MAN1C1: variants seen among roughly 807,000 people sequenced by gnomAD.
The protein encoded by MAN1C1 is mannosidase alpha class 1C member 1.
MAN1C1 carries 49 observed loss-of-function variants against 71.5 expected under a neutral mutation model. The observed-to-expected ratio is 0.69, with a 90% CI of 0.54 to 0.87. The LOEUF (loss-of-function observed/expected upper bound fraction) is 0.87, where lower values mean the gene tolerates loss of function less well. Ranked by LOEUF, MAN1C1 falls within the 40% of genes least tolerant of loss-of-function variation. MAN1C1 has a pLI of 0.00. For missense variants in MAN1C1, 743 were observed against 835.0 expected, an observed-to-expected ratio of 0.89 and a Z score of 1.36; for synonymous variants, 352 against 343.7, an observed-to-expected ratio of 1.02 and a Z score of -0.27.
chr1:25,633,535 CT>C (rs766455245), intron 1 of MAN1C1, among the ~76,000 whole-genome samples: 277 of 102,144 alleles, frequency 2.7e-3, no homozygotes, highest in East Asian at 0.015. Flanking sequence ...CCTTGTTTGT[CT>C]TTTTTTTTTT....
rs1035784425 is a variant in MAN1C1 at position 25,631,759 on chromosome 1, C to T, written c.540+13422C>T. Among the ~76,000 whole-genome samples the T allele has an allele frequency of 7.2e-5, 11 of 152,008 alleles. No individual in the cohort carries two copies. Among genetic ancestry groups the T allele is most frequent in the Admixed American group, 2.0e-4 (3 of 15,264 alleles). On this transcript the variant is annotated intron_variant, in intron 1 of 11. Transcript: ENST00000374332. The surrounding 1 kb of genome is among the most constrained non-coding windows in gnomAD (Gnocchi z 4.2). ...TTTGTTATGAAAGTGATACTGGCTT[C>T]GTAGAATGATTTAGGGAGGATTTCC... is the stretch of plus-strand genomic sequence containing the variant.
At chr1:25,719,359 C>T (rs2046728674) in intron 2 of MAN1C1, among the ~76,000 whole-genome samples, 1 of 150,456 alleles carries the variant, frequency 6.6e-6, no homozygotes, top group Non-Finnish European at 1.5e-5. Context: ...AGGCATGAGC[C>T]ACTGTGCCCA....
At chr1:25,664,167 G>C (rs1423538710) in intron 1 of MAN1C1, among the ~76,000 whole-genome samples, 1 of 152,076 alleles carries the variant, frequency 6.6e-6, no homozygotes, top group Non-Finnish European at 1.5e-5. Flanking sequence ...GGTCGCCTGT[G>C]TTGGGGGACC....
At chr1:25,719,928 C>A (rs190392817) in intron 2 of MAN1C1, among the ~76,000 whole-genome samples, 61 of 152,148 alleles carry the variant, frequency 4.0e-4, no homozygotes, top group East Asian at 2.9e-3. Flanking sequence ...GTATTACAGG[C>A]ACCCACCACC....
intron 1 of MAN1C1, among the ~76,000 whole-genome samples, chr1:25,625,748 G>C (rs879649605): frequency 2.0e-5 from 3 of 152,132 alleles, no homozygotes; most frequent in Non-Finnish European, 4.4e-5. Flanking sequence ...TTGAGCCCAG[G>C]AGTCTGAAGC....
chr1:25,704,189 C>A (rs2046486454), intron 2 of MAN1C1, among the ~76,000 whole-genome samples: 1 of 152,238 alleles, frequency 6.6e-6, no homozygotes, highest in South Asian at 2.1e-4. Flanking sequence ...AGCCACCCAG[C>A]CCCTTTATTA....
Position 25,757,911 on chromosome 1 carries a change from G to A in MAN1C1, c.930-681G>A, listed in dbSNP as rs187267453. Among the ~76,000 whole-genome samples the A allele has an allele frequency of 2.4e-4, 37 of 152,332 alleles. No individual in the cohort carries two copies. In the East Asian group the frequency reaches 6.4e-3, roughly 26 times the overall value. ...ATCACTGTCCTGTGCCTTGTTTACCGCGTTTGCAAAAGGGGCAGCTGTGAG... is the reference window on the plus strand; with the variant it reads ...ATCACTGTCCTGTGCCTTGTTTACCACGTTTGCAAAAGGGGCAGCTGTGAG... On this transcript the variant is annotated intron_variant, in intron 5 of 11. Transcript: ENST00000374332.
chr1:25,709,021 G>T (rs1156744732), intron 2 of MAN1C1, among the ~76,000 whole-genome samples: 6 of 152,152 alleles, frequency 3.9e-5, no homozygotes, highest in Non-Finnish European at 1.5e-5. Flanking sequence ...CCATACATCT[G>T]CAGGGATGAG....
Position 25,725,853 on chromosome 1 carries a change from G to A in MAN1C1, c.638-20815G>A, listed in dbSNP as rs1269454836. On this transcript the variant is annotated intron_variant, in intron 2 of 11. Coordinates refer to ENST00000374332, the MANE Select transcript of MAN1C1 (RefSeq NM_020379.4). The surrounding 1 kb of genome is among the most constrained non-coding windows in gnomAD (Gnocchi z 4.8). Reference sequence around the variant, plus strand: ...AACAACAGATGCACATGGTAGAGCTGAAGAATGAGAGGGTGCTCGGGGCAG... The same window carrying A: ...AACAACAGATGCACATGGTAGAGCTAAAGAATGAGAGGGTGCTCGGGGCAG... 6.6e-6 allele frequency among the ~76,000 whole-genome samples: 1 copy of A among 152,256 alleles called. No homozygotes were observed. Among genetic ancestry groups the A allele is most frequent in the Non-Finnish European group, 1.5e-5 (1 of 68,048 alleles).
chr1:25,627,815 T>C (rs543524092), intron 1 of MAN1C1, among the ~76,000 whole-genome samples: 1 of 151,338 alleles, frequency 6.6e-6, no homozygotes, highest in East Asian at 1.9e-4. Flanking sequence ...GGTGAATCGA[T>C]TGAGCCCAGG....
intron 1 of MAN1C1, among the ~76,000 whole-genome samples, chr1:25,639,757 T>C (rs556380218): frequency 2.6e-5 from 4 of 152,206 alleles, no homozygotes; most frequent in Non-Finnish European, 5.9e-5. Flanking sequence ...TTTTTTGTAA[T>C]TGGCATTGGA....
Position 25,749,265 on chromosome 1 carries a change from C to T in MAN1C1, c.764C>T (p.Ala255Val). The change falls in exon 4 of 12, where the codon GCA becomes GTA. Residue 255 changes from alanine to valine, a missense_variant. Transcript: ENST00000374332. Reference protein sequence around the residue: ...ESFHLNVSGEASLFEVNIRYI... With the variant: ...ESFHLNVSGEVSLFEVNIRYI... The stretch of plus-strand genomic sequence containing the variant: ...CTTTCTGTCCTGCAGAGCGGAGAAG[C>T]ATCCTTGTTTGAGGTGAACATCCGC... The T allele has an allele frequency of 7.4e-6, 12 of 1,612,218 alleles. No homozygotes were observed. The highest frequency in any genetic ancestry group is 1.0e-5 in the Non-Finnish European group (12 of 1,179,140).
At position 25,778,241 on chromosome 1, in the gene MAN1C1, A is replaced by T. The variant is rs757307281; in HGVS notation, c.1394A>T (p.Asp465Val). Residue 465 changes from aspartate to valine, a missense_variant, in exon 9 of 12, where the codon GAT becomes GTT. Physicochemically the swap from Asp to Val is radical, Grantham distance 152. Coordinates refer to ENST00000374332, the MANE Select transcript of MAN1C1 (RefSeq NM_020379.4). This position sits in a 1 kb window ranked among gnomAD's most constrained non-coding sequence, Gnocchi z 5.5. ...GGCATGATCGCCCTTGGCGCCGAGG[A>T]TGCCAAGGAAGAAAAGAGGGCCCAC... ...SGGMIALGAE[D>V]AKEEKRAHYR... 59 of 1,613,914 alleles carry T rather than the reference A, an allele frequency of 3.7e-5. No individual in the cohort carries two copies. Among genetic ancestry groups the T allele is most frequent in the Non-Finnish European group, 5.0e-5 (59 of 1,179,986 alleles).
chr1:25,704,821 G>T (rs1231644280), intron 2 of MAN1C1, among the ~76,000 whole-genome samples: 1 of 152,230 alleles, frequency 6.6e-6, no homozygotes. Flanking sequence ...TGAGAGGAAG[G>T]CATGTTTCCT....
In MAN1C1 at chr1:25,631,258, G is replaced by A. The variant is rs1048977751; in HGVS notation, c.540+12921G>A. On this transcript the variant is annotated intron_variant, in intron 1 of 11. Coordinates refer to ENST00000374332, the MANE Select transcript of MAN1C1 (RefSeq NM_020379.4). This position sits in a 1 kb window ranked among gnomAD's most constrained non-coding sequence, Gnocchi z 4.2. ...GCTAGGATTACAGGCATGAGCCACC[G>A]CACCCAGCCCAGTGCTATGTTTAAT... is the stretch of plus-strand genomic sequence containing the variant. Among the ~76,000 whole-genome samples the A allele has an allele frequency of 3.9e-5, 6 of 152,120 alleles. No homozygotes were observed. The highest frequency in any genetic ancestry group is 9.7e-5 in the African/African-American group (4 of 41,418).
chr1:25,748,478 A>C (rs947243878), intron 3 of MAN1C1, among the ~76,000 whole-genome samples: 3 of 152,178 alleles, frequency 2.0e-5, no homozygotes, highest in African/African-American at 7.2e-5. Flanking sequence ...CTCTCTCTGC[A>C]GCTCCCCTGT....
chr1:25,714,584 G>T (rs569552972), intron 2 of MAN1C1, among the ~76,000 whole-genome samples: 1 of 136,684 alleles, frequency 7.3e-6, no homozygotes, highest in Non-Finnish European at 1.5e-5. Context: ...TCAGAAAGCA[G>T]ATAAAAAAAA....
intron 2 of MAN1C1, among the ~76,000 whole-genome samples, chr1:25,743,134 A>G (rs1163236942): frequency 6.6e-6 from 1 of 152,202 alleles, no homozygotes; most frequent in Non-Finnish European, 1.5e-5. Context: ...CATTTTATAG[A>G]TGAGAACTTT....
At chr1:25,783,497 C>T (rs2047725088) in intron 11 of MAN1C1, among the ~76,000 whole-genome samples, 166 bp from the exon 12 acceptor site, 1 of 152,180 alleles carries the variant, frequency 6.6e-6, no homozygotes, top group Non-Finnish European at 1.5e-5. Flanking sequence ...CCTCCTTCCC[C>T]AGGACTAGCA....
Sources: allele counts gnomAD v4.1 joint callset (sites outside exome capture counted in the v4.1 genomes callset), GRCh38; gene constraint gnomAD v4.1.1; non-coding constraint Gnocchi (gnomAD v3.1); transcripts MANE v1.5; gene names NCBI Gene and HGNC (gene_info 2026-07-23, HGNC 2026-07-21).